Variants in TRPC1 observed in about 807,000 individuals in gnomAD.
TRPC1 encodes the protein transient receptor potential cation channel subfamily C member 1.
In TRPC1, 42 loss-of-function variants were observed where a neutral mutation model predicts 88.2. The observed-to-expected ratio is 0.48, with a 90% CI of 0.37 to 0.62. The LOEUF (loss-of-function observed/expected upper bound fraction) is 0.62, where lower values mean the gene tolerates loss of function less well. TRPC1 is among the 20% of genes least tolerant of loss of function. The probability of loss-of-function intolerance (pLI) is 0.00; values close to 1 mark genes in which losing one functional copy is unlikely to be tolerated. For missense variants in TRPC1, 699 were observed against 957.3 expected (o/e 0.73, Z 3.56); for synonymous variants, 288 against 331.8 (o/e 0.87, Z 1.43).
intron 7 of TRPC1, among the ~76,000 whole-genome samples, chr3:142,789,227 T>G (rs1006597589): frequency 2.0e-5 from 3 of 152,172 alleles, no homozygotes; most frequent in African/African-American, 7.2e-5. Context: ...ATTTGTTTAA[T>G]ATGTTTCTGC....
At chr3:142,737,976 T>A (rs1258654341) in intron 2 of TRPC1, among the ~76,000 whole-genome samples, 1 of 152,134 alleles carries the variant, frequency 6.6e-6, no homozygotes, top group African/African-American at 2.4e-5. Flanking sequence ...TAGAAAAAAA[T>A]TCATACGCTG....
At chr3:142,778,418 G>GA (rs139429483) in intron 5 of TRPC1, among the ~76,000 whole-genome samples, 221 of 138,834 alleles carry the variant, frequency 1.6e-3, no homozygotes, top group Non-Finnish European at 2.8e-3. Context: ...GGGGTAAGTT[G>GA]AAAAAAAAAA....
intron 4 of TRPC1, among the ~76,000 whole-genome samples, chr3:142,755,291 G>A (rs1393786273): frequency 2.0e-5 from 3 of 152,112 alleles, no homozygotes; most frequent in Non-Finnish European, 1.5e-5. Flanking sequence ...CGGGTGTGGT[G>A]GCAGGCACCT....
chr3:142,750,745 A>T (rs1243577879), intron 4 of TRPC1, among the ~76,000 whole-genome samples: 1 of 152,168 alleles, frequency 6.6e-6, no homozygotes, highest in Non-Finnish European at 1.5e-5. Context: ...ATAAAAAAGG[A>T]TGAGTTCATG....
Position 142,724,948 on chromosome 3 carries a change from T to C in TRPC1, c.172+217T>C, listed in dbSNP as rs967266701. Among the ~76,000 whole-genome samples, 3 of 152,202 alleles carry C rather than the reference T, an allele frequency of 2.0e-5. No homozygotes were observed. Among genetic ancestry groups the C allele is most frequent in the African/African-American group, 7.2e-5 (3 of 41,460 alleles). ...AGCTGGGGCTGCGCCCTCGGAGCGC[T>C]GCACCGTCGGGGGTGGCTCTGGCCT... On this transcript the variant is annotated intron_variant, in intron 1 of 12. Transcript: ENST00000476941. This position sits in a 1 kb window ranked among gnomAD's most constrained non-coding sequence, Gnocchi z 5.6.
chr3:142,777,914 C>T (rs1935837642), intron 5 of TRPC1, 151 bp downstream of exon 5: 1 of 804,312 alleles, frequency 1.2e-6, no homozygotes, highest in Non-Finnish European at 1.8e-6. Flanking sequence ...CCCCTGCTCT[C>T]CCTCAAAGGA....
In TRPC1 at chr3:142,776,009, T is replaced by TC. The variant is rs1403062854; in HGVS notation, c.633-1622dup. Among the ~76,000 whole-genome samples, 1 of 152,200 alleles carries TC rather than the reference T, an allele frequency of 6.6e-6. No individual in the cohort carries two copies. Among genetic ancestry groups the TC allele is most frequent in the African/African-American group, 2.4e-5 (1 of 41,460 alleles). ...AAAAGATATGCAAACTGAAGAATAT[T>TC]CATTGCTGCATTTTTTATAGCAGAA... On this transcript the variant is annotated intron_variant, in intron 4 of 12. Coordinates refer to ENST00000476941, the MANE Select transcript of TRPC1 (RefSeq NM_001251845.2). The surrounding 1 kb of genome is among the most constrained non-coding windows in gnomAD (Gnocchi z 4.1).
intron 4 of TRPC1, among the ~76,000 whole-genome samples, chr3:142,763,981 T>TATATATATATATATATATAC (rs1162744315): frequency 1.1e-4 from 7 of 62,610 alleles, no homozygotes; most frequent in Non-Finnish European, 2.0e-4. Context: ...TATATATATA[T>TATATATATATATATATATAC]ATACACATAC....
chr3:142,748,596 C>T, intron 4 of TRPC1, 136 bp downstream of exon 4: 1 of 831,678 alleles, frequency 1.2e-6, no homozygotes. Context: ...ACTTGTAGCT[C>T]CTTTGTTTTA....
Position 142,784,758 on chromosome 3 carries a change from A to G in TRPC1, c.1015A>G (p.Met339Val), listed in dbSNP as rs767321616. The change falls in exon 7 of 13, where the codon ATG becomes GTG. Residue 339 changes from methionine to valine, a missense_variant. Transcript: ENST00000476941. Reference protein sequence around the residue: ...QFLNTVWFGQMSGYRRKPTCK... With the variant: ...QFLNTVWFGQVSGYRRKPTCK... The stretch of plus-strand genomic sequence containing the variant: ...CCTGAACACTGTTTGGTTTGGACAG[A>G]TGTCGGGTTACCGACGCAAGCCCAC... 138 of 1,614,036 alleles carry G rather than the reference A, an allele frequency of 8.6e-5. No homozygotes were observed. Among genetic ancestry groups the G allele is most frequent in the Non-Finnish European group, 1.1e-4 (132 of 1,180,016 alleles).
intron 1 of TRPC1, among the ~76,000 whole-genome samples, chr3:142,732,793 A>G (rs1324305558): frequency 6.6e-6 from 1 of 152,240 alleles, no homozygotes; most frequent in African/African-American, 2.4e-5. Context: ...CAAAAGATGT[A>G]ACTCTTGAAA....
rs1935945017 is a variant in TRPC1 at position 142,781,116 on chromosome 3, G to A, written c.960+87G>A. The A allele has an allele frequency of 4.6e-6, 5 of 1,097,992 alleles. 1 individual carries two copies. The highest frequency in any genetic ancestry group is 6.1e-4 in the Middle Eastern group (2 of 3,254). The allele number at this position is 1,097,992 out of a possible 1,614,324, so 68.0% of individuals were successfully genotyped here. A position where few individuals can be genotyped will look rare whatever the true frequency, so the allele number is the denominator to read the frequency against. ...CAAAGGCTTTGGAGTAACTCATCTG[G>A]GTTAAGATCCTAGTTCTGCTTCCTA... is the stretch of plus-strand genomic sequence containing the variant. On this transcript the variant is annotated intron_variant, in intron 6 of 12. Transcript: ENST00000476941.
chr3:142,799,480 T>A (rs1936548002), intron 9 of TRPC1, among the ~76,000 whole-genome samples: 1 of 152,094 alleles, frequency 6.6e-6, no homozygotes, highest in African/African-American at 2.4e-5. Flanking sequence ...CTACTTTTAC[T>A]TCTTCTTGTA....
Position 142,748,385 on chromosome 3 carries a change from C to A in TRPC1, c.557C>A (p.Pro186His). ...TMLLKQDVSL[P>H]KPHAVGCECT... ...CTCTTAAAACAGGATGTATCTCTAC[C>A]CAAGCCCCATGCAGTTGGCTGTGAA... Residue 186 changes from proline to histidine, a missense_variant, in exon 4 of 13, where the codon CCC becomes CAC. Pro to His is a moderately conservative substitution (Grantham distance 77). Transcript: ENST00000476941. 1 of 1,614,078 alleles carries A rather than the reference C, an allele frequency of 6.2e-7. No homozygotes were observed. Among genetic ancestry groups the A allele is most frequent in the South Asian group, 1.1e-5 (1 of 91,078 alleles).
At chr3:142,766,872 G>C (rs1311450783) in intron 4 of TRPC1, among the ~76,000 whole-genome samples, 2 of 152,146 alleles carry the variant, frequency 1.3e-5, no homozygotes, top group Non-Finnish European at 2.9e-5. Flanking sequence ...TGTCCCTCTA[G>C]AGAACTCTAA....
At chr3:142,793,888 T>G in intron 9 of TRPC1, 7 of 985,366 alleles carry the variant, frequency 7.1e-6, no homozygotes, top group Non-Finnish European at 8.4e-6. Context: ...ATTAGGCTTG[T>G]GCTGTCATCC....
chr3:142,782,121 A>C (rs188349051), intron 6 of TRPC1, among the ~76,000 whole-genome samples: 1 of 152,138 alleles, frequency 6.6e-6, no homozygotes, highest in South Asian at 2.1e-4. Context: ...AAAGTGATTT[A>C]AAAAAAGAAC....
chr3:142,795,317 T>C (rs1936418962), intron 9 of TRPC1, among the ~76,000 whole-genome samples: 1 of 144,282 alleles, frequency 6.9e-6, no homozygotes, highest in African/African-American at 2.8e-5. Context: ...GCAGACATTT[T>C]CCAAATTTGA....
At chr3:142,783,343 A>G (rs1204892171) in intron 6 of TRPC1, among the ~76,000 whole-genome samples, 10 of 152,218 alleles carry the variant, frequency 6.6e-5, no homozygotes, top group Admixed American at 6.5e-4. Flanking sequence ...TGAGGGACAA[A>G]TTAAGATTTC....
Sources: allele counts gnomAD v4.1 joint callset (sites outside exome capture counted in the v4.1 genomes callset), GRCh38; gene constraint gnomAD v4.1.1; non-coding constraint Gnocchi (gnomAD v3.1); transcripts MANE v1.5; gene names NCBI Gene and HGNC (gene_info 2026-07-23, HGNC 2026-07-21).